The following MITF variants were observed in gnomAD, a reference collection of about 807,000 sequenced individuals.
MITF encodes melanocyte inducing transcription factor, also known as microphthalmia-associated transcription factor.
A neutral mutation model predicts 60.5 loss-of-function variants in MITF; 17 were observed. The observed-to-expected ratio is 0.28, with a 90% CI of 0.19 to 0.42. The LOEUF is 0.42. Among genes scored for constraint, MITF ranks in the 10% least tolerant of loss-of-function variants. The pLI is 1.00. For synonymous variants in MITF, 260 were observed against 248.5 expected, an observed-to-expected ratio of 1.05 and a Z score of -0.43; for missense variants, 622 against 683.5, an observed-to-expected ratio of 0.91 and a Z score of 1.00.
chr3:69,880,915 G>A (rs1480301814), intron 2 of MITF, among the ~76,000 whole-genome samples: 4 of 151,908 alleles, frequency 2.6e-5, no homozygotes, highest in Non-Finnish European at 5.9e-5. Context: ...TCCAACTGAA[G>A]GTAATGTTAA....
At chr3:69,826,520 A>C (rs960008155) in intron 1 of MITF, among the ~76,000 whole-genome samples, 1 of 152,240 alleles carries the variant, frequency 6.6e-6, no homozygotes, top group Non-Finnish European at 1.5e-5. Context: ...GAGGCTATGA[A>C]CATTCATTAT....
chr3:69,888,876 G>A (rs572472560), intron 2 of MITF, among the ~76,000 whole-genome samples: 2 of 151,856 alleles, frequency 1.3e-5, no homozygotes, highest in Admixed American at 6.6e-5. Flanking sequence ...GAGAAAAGGG[G>A]AACAAATTTA....
chr3:69,806,598 ACTAAGAACTCAGG>A (rs1172432466), intron 1 of MITF, among the ~76,000 whole-genome samples: 1 of 152,160 alleles, frequency 6.6e-6, no homozygotes, highest in African/African-American at 2.4e-5. Flanking sequence ...GAACTCCAGT[ACTAAGAACTCAGG>A]CTAAGAACTC....
chr3:69,967,216 T>C lies in MITF; in HGVS notation c.*1968T>C, dbSNP rs2066710857. On this transcript the variant is annotated 3_prime_UTR_variant, in exon 10 of 10. Coordinates refer to ENST00000352241, the MANE Select transcript of MITF (RefSeq NM_001354604.2). ...TGAGAATCCTTGGAAACATTGGTGA[T>C]GCTATCAGTTTTATAGCTTTATTTC... 1 of 232,308 alleles carries C rather than the reference T, an allele frequency of 4.3e-6. No homozygotes were observed. The highest frequency in any genetic ancestry group is 2.2e-5 in the African/African-American group (1 of 45,282). The allele number at this position is 232,308 out of a possible 1,614,324, so 14.4% of individuals were successfully genotyped here.
intron 1 of MITF, chr3:69,764,061 T>G (rs2062252841): frequency 1.3e-6 from 1 of 780,758 alleles, no homozygotes; most frequent in African/African-American, 1.9e-5. Flanking sequence ...AATGGCTAGA[T>G]TGCTTTCTGT....
intron 1 of MITF, among the ~76,000 whole-genome samples, chr3:69,877,884 C>G (rs41499745): frequency 0.011 from 1,604 of 152,262 alleles, 29 homozygotes; most frequent in African/African-American, 0.036. Flanking sequence ...CGAAGCATGA[C>G]TTTCTCAAGA....
chr3:69,882,344 A>G (rs1407046386), intron 2 of MITF, among the ~76,000 whole-genome samples: 1 of 152,072 alleles, frequency 6.6e-6, no homozygotes, highest in Non-Finnish European at 1.5e-5. Flanking sequence ...ATTTTCCTTC[A>G]TATTGATTTT....
intron 2 of MITF, among the ~76,000 whole-genome samples, chr3:69,923,547 G>A (rs1676738762): frequency 6.6e-6 from 1 of 152,124 alleles, no homozygotes; most frequent in Admixed American, 6.5e-5. Flanking sequence ...GTTTCACCAT[G>A]TTGGCCTGAA....
intron 1 of MITF, among the ~76,000 whole-genome samples, chr3:69,802,749 T>G (rs1197397209): frequency 2.2e-5 from 3 of 138,628 alleles, no homozygotes; most frequent in Non-Finnish European, 3.0e-5. Flanking sequence ...TGGAGTGCAA[T>G]GGTGTGATCT....
At chr3:69,931,726 A>G (rs1314227630) in intron 2 of MITF, among the ~76,000 whole-genome samples, 2 of 152,190 alleles carry the variant, frequency 1.3e-5, no homozygotes, top group Non-Finnish European at 2.9e-5. Flanking sequence ...TTATTTGTGC[A>G]CACCTGGGAT....
At position 69,966,385 on chromosome 3, in the gene MITF, G is replaced by A. The variant is rs983367314; in HGVS notation, c.*1137G>A. ...GTAAATTACAGTCTCACTCAGAACT[G>A]TTTTTGGACACATTTAAGGTGTAGT... On this transcript the variant is annotated 3_prime_UTR_variant, in exon 10 of 10. Transcript: ENST00000352241. 1.3e-5 allele frequency: 3 copies of A among 232,796 alleles called. No individual in the cohort carries two copies. The highest frequency in any genetic ancestry group is 6.6e-5 in the African/African-American group (3 of 45,320). The allele number at this position is 232,796 out of a possible 1,614,324, so 14.4% of individuals were successfully genotyped here. A position where few individuals can be genotyped will look rare whatever the true frequency, so the allele number is the denominator to read the frequency against.
chr3:69,850,037 T>C (rs1480166329), intron 1 of MITF, among the ~76,000 whole-genome samples: 9 of 152,334 alleles, frequency 5.9e-5, no homozygotes, highest in Admixed American at 5.2e-4. Flanking sequence ...GAATTTTCTC[T>C]GAAGTCTGTA....
intron 2 of MITF, among the ~76,000 whole-genome samples, chr3:69,903,450 A>G (rs1464776327): frequency 6.6e-6 from 1 of 152,060 alleles, no homozygotes; most frequent in East Asian, 1.9e-4. Flanking sequence ...TTGCAGATGG[A>G]TGTTCTTGCT....
chr3:69,903,590 T>C (rs2065037604), intron 2 of MITF, among the ~76,000 whole-genome samples: 1 of 152,162 alleles, frequency 6.6e-6, no homozygotes, highest in African/African-American at 2.4e-5. Flanking sequence ...TCTTTGCTTA[T>C]GCCAAGCAAC....
At chr3:69,844,086 T>C (rs1274838858) in intron 1 of MITF, among the ~76,000 whole-genome samples, 1 of 152,258 alleles carries the variant, frequency 6.6e-6, no homozygotes, top group Non-Finnish European at 1.5e-5. Context: ...TCCTGTTTTA[T>C]GGCTACATAG....
chr3:69,854,301 C>T (rs537035504), intron 1 of MITF, among the ~76,000 whole-genome samples: 26 of 152,274 alleles, frequency 1.7e-4, no homozygotes, highest in East Asian at 1.4e-3. Context: ...CTACAGTTGT[C>T]CTTGGTATCC....
intron 1 of MITF, among the ~76,000 whole-genome samples, chr3:69,744,243 C>G (rs1011237736): frequency 6.6e-6 from 1 of 152,182 alleles, no homozygotes; most frequent in Admixed American, 6.5e-5. Flanking sequence ...ATGTTTTTCT[C>G]CTGTCTTCAT....
chr3:69,906,094 A>G lies in MITF; in HGVS notation c.354+26711A>G, dbSNP rs546406365. The stretch of plus-strand genomic sequence containing the variant: ...TACCTATGTTTTCTTTTAGAATGTT[A>G]TAGTTTTAAGTTTTATGATTCATTT... On this transcript the variant is annotated intron_variant, in intron 2 of 9. Transcript: ENST00000352241. Among the ~76,000 whole-genome samples, 6 of 152,286 alleles carry G rather than the reference A, an allele frequency of 3.9e-5. No individual in the cohort carries two copies. In the East Asian group the frequency reaches 1.2e-3, roughly 29 times the overall value.
At chr3:69,852,323 C>G (rs1264456810) in intron 1 of MITF, among the ~76,000 whole-genome samples, 1 of 152,212 alleles carries the variant, frequency 6.6e-6, no homozygotes, top group African/African-American at 2.4e-5. Context: ...GTGCCTCCTC[C>G]TAGTCAACCC....
Sources: allele counts gnomAD v4.1 joint callset (sites outside exome capture counted in the v4.1 genomes callset), GRCh38; gene constraint gnomAD v4.1.1; transcripts MANE v1.5; gene names NCBI Gene and HGNC (gene_info 2026-07-23, HGNC 2026-07-21).